Variants in ATP8A2 observed in about 807,000 individuals in gnomAD.
The protein encoded by ATP8A2 is phospholipid-transporting ATPase IB.
A neutral mutation model predicts 165.6 loss-of-function variants in ATP8A2; 100 were observed. That is an observed-to-expected ratio of 0.60 (90% CI 0.51 to 0.71). ATP8A2 has a LOEUF of 0.71. Ranked by LOEUF, ATP8A2 falls within the 30% of genes least tolerant of loss-of-function variation. The pLI, the probability that ATP8A2 is intolerant of heterozygous loss-of-function variation, is 0.00. For missense variants in ATP8A2, 1,227 were observed against 1,479.5 expected (o/e 0.83, Z 2.80); for synonymous variants, 543 against 548.8 (o/e 0.99, Z 0.15).
At position 25,465,707 on chromosome 13, in the gene ATP8A2, C is replaced by CTTTCTTTCTTTCT. The variant is rs1566153230; in HGVS notation, c.77-3267_77-3255dup. Among the ~76,000 whole-genome samples the CTTTCTTTCTTTCT allele has an allele frequency of 7.9e-4, 18 of 22,862 alleles. 1 individual carries two copies. The highest frequency in any genetic ancestry group is 2.1e-3 in the Admixed American group (3 of 1,448). The allele number at this position is 22,862 out of a possible 152,430, so 15.0% of individuals were successfully genotyped here. A position where few individuals can be genotyped will look rare whatever the true frequency, so the allele number is the denominator to read the frequency against. On this transcript the variant is annotated intron_variant, in intron 1 of 36. Transcript: ENST00000381655. Reference sequence around the variant, plus strand: ...TCTTTCTTTCTTTCTTTCTTTCTTTCTTTCTTTCTTTCTTTCTTTCTTTCT... The same window carrying CTTTCTTTCTTTCT: ...TCTTTCTTTCTTTCTTTCTTTCTTTCTTTCTTTCTTTCTTTTCTTTCTTTCTTTCTTTCTTTCT...
intron 33 of ATP8A2, among the ~76,000 whole-genome samples, chr13:25,899,867 C>T (rs545087018): frequency 2.9e-4 from 44 of 152,300 alleles, no homozygotes; most frequent in African/African-American, 1.1e-3. Context: ...AAAGCTCACC[C>T]TGCCTCTCTA....
chr13:25,434,018 G>A (rs2138162393), intron 1 of ATP8A2, among the ~76,000 whole-genome samples: 1 of 152,270 alleles, frequency 6.6e-6, no homozygotes, highest in Non-Finnish European at 1.5e-5. Flanking sequence ...CAAGTACAAT[G>A]TTTACTATTT....
intron 27 of ATP8A2, among the ~76,000 whole-genome samples, chr13:25,788,452 T>C (rs1028603290): frequency 6.6e-6 from 1 of 152,204 alleles, no homozygotes; most frequent in Non-Finnish European, 1.5e-5. Flanking sequence ...CCTCACTTTA[T>C]AGAAGAAGAC....
chr13:25,977,333 C>T (rs921030886), intron 35 of ATP8A2, among the ~76,000 whole-genome samples: 3 of 152,164 alleles, frequency 2.0e-5, no homozygotes, highest in Admixed American at 2.0e-4. Flanking sequence ...CAACGACGCT[C>T]CCAGGCAAGG....
At chr13:25,408,066 AC>A (rs2033857623) in intron 1 of ATP8A2, among the ~76,000 whole-genome samples, 1 of 100,674 alleles carries the variant, frequency 9.9e-6, no homozygotes, top group African/African-American at 3.4e-5. Context: ...GTATCCTGGA[AC>A]TTAAAGTAAA....
chr13:25,545,033 G>A (rs1162649781), intron 10 of ATP8A2, among the ~76,000 whole-genome samples: 4 of 151,398 alleles, frequency 2.6e-5, no homozygotes, highest in African/African-American at 4.9e-5. Context: ...GTCTACTGGC[G>A]CACCGTCTGC....
chr13:25,844,340 C>G (rs1037469132), intron 30 of ATP8A2, among the ~76,000 whole-genome samples: 2 of 152,040 alleles, frequency 1.3e-5, no homozygotes, highest in Admixed American at 6.6e-5. Flanking sequence ...AAGTGATTCT[C>G]CTGCCTCAGC....
chr13:25,940,447 T>C (rs1026088660), intron 33 of ATP8A2, among the ~76,000 whole-genome samples: 4 of 152,172 alleles, frequency 2.6e-5, no homozygotes, highest in African/African-American at 7.2e-5. Context: ...TTCTCCCTCC[T>C]GCCCGCTTCC....
rs1026681651 is a variant in ATP8A2 at position 25,977,924 on chromosome 13, C to T, written c.3377+9245C>T. On this transcript the variant is annotated intron_variant, in intron 35 of 36. Transcript: ENST00000381655. ...TGTTAGCGGTTTGCTAGTAACACGG[C>T]CTCAGGCTGTATTTCCAGGATGACT... 7.2e-5 allele frequency among the ~76,000 whole-genome samples: 11 copies of T among 152,294 alleles called. No homozygotes were observed. The East Asian group carries it at 1.9e-3, about 27-fold the overall frequency.
intron 27 of ATP8A2, among the ~76,000 whole-genome samples, chr13:25,784,165 G>A (rs776568146): frequency 1.9e-5 from 2 of 104,700 alleles, no homozygotes; most frequent in Non-Finnish European, 3.8e-5. Flanking sequence ...CTAAAAAAAT[G>A]TTTTTAGGCA....
chr13:25,805,278 G>A (rs970077355), intron 27 of ATP8A2, among the ~76,000 whole-genome samples: 1 of 152,060 alleles, frequency 6.6e-6, no homozygotes, highest in African/African-American at 2.4e-5. Flanking sequence ...GGAGGCTGGG[G>A]TGGACATATC....
intron 1 of ATP8A2, among the ~76,000 whole-genome samples, chr13:25,410,889 T>C (rs1262701199): frequency 6.6e-6 from 1 of 152,226 alleles, no homozygotes; most frequent in African/African-American, 2.4e-5. Context: ...CTTCCAAGTT[T>C]TCACAACCAC....
chr13:25,770,945 A>G (rs1164687566), intron 26 of ATP8A2, among the ~76,000 whole-genome samples: 2 of 152,184 alleles, frequency 1.3e-5, no homozygotes, highest in African/African-American at 4.8e-5. Flanking sequence ...CTATAGCCCC[A>G]GGGCTTCAGG....
chr13:25,907,320 C>G (rs956423114), intron 33 of ATP8A2, among the ~76,000 whole-genome samples: 3 of 151,938 alleles, frequency 2.0e-5, no homozygotes, highest in African/African-American at 7.3e-5. Context: ...CCAGTGCACT[C>G]CAGCCTGGCA....
At chr13:25,744,102 G>T (rs1458884881) in intron 25 of ATP8A2, among the ~76,000 whole-genome samples, 1 of 152,290 alleles carries the variant, frequency 6.6e-6, no homozygotes, top group East Asian at 1.9e-4. Flanking sequence ...TCCAGTGTGT[G>T]CCTTGATCTT....
Position 25,580,856 on chromosome 13 carries a change from T to C in ATP8A2, c.2007+909T>C, listed in dbSNP as rs555469811. On this transcript the variant is annotated intron_variant, in intron 22 of 36. Transcript: ENST00000381655. ...ATGTCTGGCCCAGTTTCCATAACTT[T>C]GAAACCATCACTTATTTACTGTTTT... is the stretch of plus-strand genomic sequence containing the variant. 3.1e-3 allele frequency among the ~76,000 whole-genome samples: 465 copies of C among 152,342 alleles called. 4 individuals carry two copies. Among genetic ancestry groups the C allele is most frequent in the African/African-American group, 0.011 (452 of 41,580 alleles).
chr13:25,637,368 G>T (rs1396795313), intron 24 of ATP8A2, among the ~76,000 whole-genome samples: 2 of 152,178 alleles, frequency 1.3e-5, no homozygotes, highest in Non-Finnish European at 2.9e-5. Context: ...GCCAAGGGAA[G>T]CTGTAACAGA....
chr13:25,424,684 G>A (rs7985437), intron 1 of ATP8A2, among the ~76,000 whole-genome samples: 63,520 of 152,044 alleles, frequency 0.42, 14,316 homozygotes, highest in East Asian at 0.59. Flanking sequence ...TTGGCCAGGC[G>A]CGGTGGCTCA....
At chr13:25,577,000 G>GGTGTTC (rs1383768691) in intron 19 of ATP8A2, 69 bp from the exon 20 acceptor site, 2 of 1,241,430 alleles carry the variant, frequency 1.6e-6, no homozygotes, top group African/African-American at 3.0e-5. Flanking sequence ...TGTTTTGATT[G>GGTGTTC]GTGTTCAGCT....
Sources: gnomAD v4.1 joint callset for allele counts (sites outside exome capture counted in the v4.1 genomes callset) on GRCh38, gnomAD v4.1.1 for gene constraint, MANE v1.5 for transcripts, NCBI Gene and HGNC (gene_info 2026-07-23, HGNC 2026-07-21) for gene names.